The following FTO variants were observed in gnomAD, a reference collection of about 807,000 sequenced individuals.
FTO encodes alpha-ketoglutarate-dependent dioxygenase FTO.
FTO carries 47 observed loss-of-function variants against 63.9 expected under a neutral mutation model. That is an observed-to-expected ratio of 0.74 (90% CI 0.58 to 0.94). The LOEUF is 0.94. Ranked by LOEUF, FTO falls within the 40% of genes least tolerant of loss-of-function variation. The pLI is 0.00. For missense variants in FTO, 562 were observed against 618.1 expected, an observed-to-expected ratio of 0.91 and a Z score of 0.96; for synonymous variants, 207 against 224.4, an observed-to-expected ratio of 0.92 and a Z score of 0.69.
intron 8 of FTO, among the ~76,000 whole-genome samples, chr16:53,964,102 T>C (rs2083145607): frequency 6.6e-6 from 1 of 152,208 alleles, no homozygotes; most frequent in Admixed American, 6.5e-5. Context: ...TTCCTAAGTG[T>C]GGATAATTTA....
At chr16:53,727,296 T>C (rs1286624582) in intron 1 of FTO, among the ~76,000 whole-genome samples, 1 of 152,358 alleles carries the variant, frequency 6.6e-6, no homozygotes, top group East Asian at 1.9e-4. Flanking sequence ...GACTAGATGC[T>C]AGTCCAGTGG....
chr16:53,875,381 A>G (rs1346999895), intron 5 of FTO, among the ~76,000 whole-genome samples: 1 of 152,216 alleles, frequency 6.6e-6, no homozygotes, highest in Non-Finnish European at 1.5e-5. Flanking sequence ...AAATATGTTC[A>G]TGGGGATAAG....
chr16:54,018,028 G>A lies in FTO; in HGVS notation c.1364+83919G>A, dbSNP rs115251932. On this transcript the variant is annotated intron_variant, in intron 8 of 8. Transcript: ENST00000471389. ...GTAGATATTCTTTGGGCTCTGACAC[G>A]TACACACATGTTGACTTTTATCATC... Among the ~76,000 whole-genome samples, 607 of 151,716 alleles carry A rather than the reference G, an allele frequency of 4.0e-3. 6 individuals carry two copies. Among genetic ancestry groups the A allele is most frequent in the African/African-American group, 0.014 (568 of 41,322 alleles).
chr16:54,067,954 C>T (rs1360670364), intron 8 of FTO, among the ~76,000 whole-genome samples: 1 of 152,066 alleles, frequency 6.6e-6, no homozygotes, highest in Non-Finnish European at 1.5e-5. Context: ...CTCAGTTTTA[C>T]ACATTCCTCT....
chr16:53,772,313 T>C (rs2077358206), intron 1 of FTO, among the ~76,000 whole-genome samples: 1 of 152,076 alleles, frequency 6.6e-6, no homozygotes, highest in Non-Finnish European at 1.5e-5. Flanking sequence ...TCTCTCTTTT[T>C]GTAGAACTTT....
At chr16:53,713,509 A>G (rs939572095) in intron 1 of FTO, among the ~76,000 whole-genome samples, 2 of 152,172 alleles carry the variant, frequency 1.3e-5, no homozygotes, top group Admixed American at 6.5e-5. Context: ...GTAATATTTT[A>G]TAAAATTGTC....
At chr16:53,776,192 C>A (rs554561638) in intron 1 of FTO, among the ~76,000 whole-genome samples, 1 of 152,262 alleles carries the variant, frequency 6.6e-6, no homozygotes, top group African/African-American at 2.4e-5. Flanking sequence ...AGCTCCTTAT[C>A]CCCGTTTGCC....
At chr16:53,997,576 G>A (rs878925167) in intron 8 of FTO, among the ~76,000 whole-genome samples, 3 of 151,446 alleles carry the variant, frequency 2.0e-5, no homozygotes, top group South Asian at 2.1e-4. Context: ...GGGGCGGGGC[G>A]GGGTGGGAGT....
At chr16:53,714,745 T>C (rs2075852844) in intron 1 of FTO, among the ~76,000 whole-genome samples, 1 of 152,156 alleles carries the variant, frequency 6.6e-6, no homozygotes, top group Admixed American at 6.5e-5. Context: ...TGGGAAATAG[T>C]AGTCATTGTT....
intron 8 of FTO, among the ~76,000 whole-genome samples, chr16:54,025,147 T>C (rs970499279): frequency 8.5e-5 from 13 of 152,182 alleles, no homozygotes; most frequent in Non-Finnish European, 1.3e-4. Context: ...GCTCCTCCAT[T>C]AGGGGAGGCC....
At chr16:53,767,239 C>T (rs1391092785) in intron 1 of FTO, among the ~76,000 whole-genome samples, 1 of 152,190 alleles carries the variant, frequency 6.6e-6, no homozygotes, top group Non-Finnish European at 1.5e-5. Flanking sequence ...CAATCCAACC[C>T]ATCACCTTAA....
intron 1 of FTO, among the ~76,000 whole-genome samples, chr16:53,796,232 T>A (rs752439272): frequency 1.3e-5 from 2 of 151,938 alleles, no homozygotes; most frequent in Non-Finnish European, 2.9e-5. Context: ...TTAGTAGAGA[T>A]GGGGTTTTGC....
At chr16:53,745,734 G>T (rs544632727) in intron 1 of FTO, among the ~76,000 whole-genome samples, 34 of 152,250 alleles carry the variant, frequency 2.2e-4, no homozygotes, top group African/African-American at 7.5e-4. Flanking sequence ...ATGCATATTT[G>T]CCATTTGTGG....
At chr16:53,751,705 T>C (rs570085587) in intron 1 of FTO, among the ~76,000 whole-genome samples, 1 of 152,226 alleles carries the variant, frequency 6.6e-6, no homozygotes, top group South Asian at 2.1e-4. Context: ...ATAACAAAGT[T>C]CTAAACTTAG....
chr16:54,096,116 T>C (rs368957916), intron 8 of FTO, among the ~76,000 whole-genome samples: 1 of 152,208 alleles, frequency 6.6e-6, no homozygotes, highest in African/African-American at 2.4e-5. Flanking sequence ...GTTGAATGAA[T>C]GGATACTAAA....
In FTO at chr16:53,935,748, T is replaced by A. The variant is rs1369077790; in HGVS notation, c.1364+1639T>A. The A allele has an allele frequency of 3.3e-5, 5 of 152,170 alleles. No individual in the cohort carries two copies. The East Asian group carries it at 9.6e-4, about 29-fold the overall frequency. 9.4% of individuals were successfully genotyped at this position (152,170 alleles called of 1,614,324 possible). On this transcript the variant is annotated intron_variant, in intron 8 of 8. Coordinates refer to ENST00000471389, the MANE Select transcript of FTO (RefSeq NM_001080432.3). ...TCAACTAAAGTAATGACTAAATGAT[T>A]TCCAATTTACCTTTCAATAATTAAT...
chr16:53,989,472 A>C (rs1318038666), intron 8 of FTO, among the ~76,000 whole-genome samples: 1 of 152,124 alleles, frequency 6.6e-6, no homozygotes, highest in Admixed American at 6.5e-5. Flanking sequence ...TAGGAATGTT[A>C]ATCATAAAAG....
intron 1 of FTO, among the ~76,000 whole-genome samples, chr16:53,805,468 CAGAG>C (rs1164632490): frequency 1.6e-4 from 20 of 121,620 alleles, no homozygotes; most frequent in East Asian, 2.7e-4. Context: ...TTTTTTGAGA[CAGAG>C]AGTCTTATTC....
chr16:53,861,540 T>C (rs2080173544), intron 4 of FTO, among the ~76,000 whole-genome samples: 2 of 152,206 alleles, frequency 1.3e-5, no homozygotes, highest in African/African-American at 4.8e-5. Context: ...ATTTACTTTA[T>C]CCCTTCTGCC....
Sources: gnomAD v4.1 joint callset for allele counts (sites outside exome capture counted in the v4.1 genomes callset) on GRCh38, gnomAD v4.1.1 for gene constraint, MANE v1.5 for transcripts, NCBI Gene and HGNC (gene_info 2026-07-23, HGNC 2026-07-21) for gene names.